The following TMEM132D variants were observed in gnomAD, a reference collection of about 807,000 sequenced individuals.
TMEM132D encodes transmembrane protein 132D.
Under a neutral mutation model 62.3 loss-of-function variants are expected in TMEM132D, and 21 were observed. The ratio of observed to expected loss-of-function variants is 0.34; its 90% CI spans 0.24 to 0.49. The LOEUF (loss-of-function observed/expected upper bound fraction) is 0.49. Among genes scored for constraint, TMEM132D ranks in the 20% least tolerant of loss-of-function variants. The pLI is 0.99. For missense variants in TMEM132D, 1,346 were observed against 1,402.8 expected (o/e 0.96, Z 0.65); for synonymous variants, 621 against 575.6 (o/e 1.08, Z -1.13).
In TMEM132D at chr12:129,074,306, C is replaced by T. The variant is rs1361969123; in HGVS notation, c.2869G>A (p.Gly957Arg). ...ACCCAGTCATGAGAGTGACTCATCC[C>T]TTCCTGCTCCTCGAAGGGAACCTGT... ...HKQVPFEEQE[G>R]MSHSHDWVGL... The change falls in exon 9 of 9, where the codon GGG becomes AGG. Residue 957 changes from glycine to arginine, a missense_variant. Coordinates refer to ENST00000422113, the MANE Select transcript of TMEM132D (RefSeq NM_133448.3). The T allele has an allele frequency of 2.5e-6, 4 of 1,614,130 alleles. No homozygotes were observed. Among genetic ancestry groups the T allele is most frequent in the Admixed American group, 1.7e-5 (1 of 60,018 alleles).
intron 4 of TMEM132D, among the ~76,000 whole-genome samples, chr12:129,296,646 G>A (rs887321759): frequency 6.6e-6 from 1 of 152,154 alleles, no homozygotes; most frequent in African/African-American, 2.4e-5. Flanking sequence ...TACGTTAAAG[G>A]CACTAAAGAG....
At chr12:129,241,264 C>A (rs1429676053) in intron 4 of TMEM132D, among the ~76,000 whole-genome samples, 1 of 151,794 alleles carries the variant, frequency 6.6e-6, no homozygotes, top group African/African-American at 2.4e-5. Flanking sequence ...AACTATCCAT[C>A]TTACAAGGGA....
intron 3 of TMEM132D, among the ~76,000 whole-genome samples, chr12:129,502,533 A>T (rs550625812): frequency 6.6e-6 from 1 of 152,138 alleles, no homozygotes; most frequent in Admixed American, 6.6e-5. Context: ...TTCGGGCATA[A>T]CTAGATCCAG....
chr12:129,596,342 T>C (rs1593081482), intron 2 of TMEM132D, among the ~76,000 whole-genome samples: 1 of 152,194 alleles, frequency 6.6e-6, no homozygotes, highest in East Asian at 1.9e-4. Context: ...GTTCTTCTTC[T>C]TTTCCTTGAA....
At chr12:129,606,854 A>T (rs1052330167) in intron 2 of TMEM132D, among the ~76,000 whole-genome samples, 1 of 152,208 alleles carries the variant, frequency 6.6e-6, no homozygotes, top group East Asian at 1.9e-4. Flanking sequence ...TTGTTATATG[A>T]TGTAACTCTC....
intron 3 of TMEM132D, among the ~76,000 whole-genome samples, chr12:129,442,818 C>T (rs752216611): frequency 5.9e-5 from 9 of 152,116 alleles, no homozygotes; most frequent in African/African-American, 1.9e-4. Context: ...GTCCTTCAAA[C>T]GCCTTATGTG....
At chr12:129,314,186 T>C (rs1868405631) in intron 4 of TMEM132D, among the ~76,000 whole-genome samples, 1 of 152,206 alleles carries the variant, frequency 6.6e-6, no homozygotes, top group Non-Finnish European at 1.5e-5. Flanking sequence ...ATGAAATATT[T>C]GCCTAAGGCA....
At chr12:129,420,577 G>T (rs1872289340) in intron 3 of TMEM132D, among the ~76,000 whole-genome samples, 1 of 152,108 alleles carries the variant, frequency 6.6e-6, no homozygotes, top group Non-Finnish European at 1.5e-5. Flanking sequence ...TGCTGGGTTG[G>T]TTGTGTGCTT....
In TMEM132D at chr12:129,337,620, C is replaced by A. The variant is rs776127677; in HGVS notation, c.1299+14G>T. 6.2e-6 allele frequency: 10 copies of A among 1,613,408 alleles called. No homozygotes were observed. The African/African-American group carries it at 9.3e-5, about 15-fold the overall frequency. ...CGAGTTCAGTTCTAACAGCCCAGGG[C>A]GGGGCTTGCTTACCATAGCCAGCGG... On this transcript the variant is annotated intron_variant, in intron 4 of 8. Transcript: ENST00000422113.
At chr12:129,401,543 T>A (rs1871621338) in intron 3 of TMEM132D, among the ~76,000 whole-genome samples, 1 of 152,014 alleles carries the variant, frequency 6.6e-6, no homozygotes, top group African/African-American at 2.4e-5. Context: ...CACTCCAGCC[T>A]GGGTGACAGA....
intron 4 of TMEM132D, among the ~76,000 whole-genome samples, chr12:129,238,996 G>GGTTTTT (rs374959544): frequency 0.028 from 3,752 of 132,772 alleles, 111 homozygotes; most frequent in Non-Finnish European, 0.038. Context: ...GTTATTTTCT[G>GGTTTTT]TTTTTTTTTT....
At chr12:129,554,795 C>G (rs1877008331) in intron 2 of TMEM132D, among the ~76,000 whole-genome samples, 3 of 152,184 alleles carry the variant, frequency 2.0e-5, no homozygotes, top group Admixed American at 6.5e-5. Context: ...CCAGGTGGGT[C>G]AGACTTGAGT....
At chr12:129,803,839 A>C (rs1167541156) in intron 1 of TMEM132D, among the ~76,000 whole-genome samples, 2 of 148,772 alleles carry the variant, frequency 1.3e-5, no homozygotes, top group Non-Finnish European at 3.0e-5. Context: ...TAGATGCAAT[A>C]AAAAATGATA....
At chr12:129,465,229 A>G (rs1016998863) in intron 3 of TMEM132D, among the ~76,000 whole-genome samples, 4 of 152,138 alleles carry the variant, frequency 2.6e-5, no homozygotes, top group Non-Finnish European at 4.4e-5. Context: ...TTCTCTTTGA[A>G]GCAATAAAAT....
intron 2 of TMEM132D, 104 bp downstream of exon 2, chr12:129,699,706 C>A: frequency 7.0e-7 from 1 of 1,425,350 alleles, no homozygotes; most frequent in Non-Finnish European, 9.6e-7. Context: ...GGAAGGCCGG[C>A]TCTACTTCGG....
chr12:129,085,783 T>C (rs1874597715), intron 5 of TMEM132D: 1 of 152,236 alleles, frequency 6.6e-6, no homozygotes, highest in South Asian at 2.1e-4. Flanking sequence ...TTCTACCTGG[T>C]GCAAGAGGGC....
In TMEM132D at chr12:129,464,259, T is replaced by G. The variant is rs192945574; in HGVS notation, c.1115+66800A>C. Reference sequence around the variant, plus strand: ...AGCATTTTTTCATGTGTCTTTTGGCTGCATAAATATTTTCTTTTGAGAAGT... The same window carrying G: ...AGCATTTTTTCATGTGTCTTTTGGCGGCATAAATATTTTCTTTTGAGAAGT... On this transcript the variant is annotated intron_variant, in intron 3 of 8. Coordinates refer to ENST00000422113, the MANE Select transcript of TMEM132D (RefSeq NM_133448.3). Among the ~76,000 whole-genome samples the G allele has an allele frequency of 1.2e-3, 182 of 152,368 alleles. 1 individual carries two copies. Among genetic ancestry groups the G allele is most frequent in the African/African-American group, 4.1e-3 (172 of 41,576 alleles).
chr12:129,075,593 C>T (rs928681508), intron 8 of TMEM132D, among the ~76,000 whole-genome samples: 2 of 152,190 alleles, frequency 1.3e-5, no homozygotes, highest in Non-Finnish European at 2.9e-5. Flanking sequence ...TTTGCCAGCC[C>T]TGCCTTTTCT....
intron 1 of TMEM132D, among the ~76,000 whole-genome samples, chr12:129,703,965 C>T (rs1170872302): frequency 6.7e-6 from 1 of 148,224 alleles, no homozygotes; most frequent in Non-Finnish European, 1.5e-5. Flanking sequence ...AAATTAGGTA[C>T]AATCTGCATG....
Sources: allele counts gnomAD v4.1 joint callset (sites outside exome capture counted in the v4.1 genomes callset), GRCh38; gene constraint gnomAD v4.1.1; transcripts MANE v1.5; gene names NCBI Gene and HGNC (gene_info 2026-07-23, HGNC 2026-07-21).